Variants in RAB38 observed in about 807,000 individuals in gnomAD.
RAB38 encodes the protein RAB38, member RAS oncogene family, also known as ras-related protein Rab-38.
A neutral mutation model predicts 18.4 loss-of-function variants in RAB38; 15 were observed. The observed-to-expected ratio is 0.82, with a 90% CI of 0.55 to 1.26. The LOEUF (loss-of-function observed/expected upper bound fraction) is 1.26. Ranked by LOEUF, RAB38 falls within the 50% of genes most tolerant of loss-of-function variation. The pLI, the probability that RAB38 is intolerant of heterozygous loss-of-function variation, is 0.00. For missense variants in RAB38, 294 were observed against 267.4 expected, an observed-to-expected ratio of 1.10 and a Z score of -0.69; for synonymous variants, 101 against 104.4, an observed-to-expected ratio of 0.97 and a Z score of 0.20.
the RAB38 span, among the ~76,000 whole-genome samples, chr11:87,838,859 A>G: frequency 6.6e-6 from 1 of 152,220 alleles, no homozygotes; most frequent in Admixed American, 6.5e-5. Context: ...TGTAAAACTC[A>G]TTACTGTCAT....
the RAB38 span, among the ~76,000 whole-genome samples, chr11:87,858,310 A>C: frequency 6.6e-6 from 1 of 151,914 alleles, no homozygotes; most frequent in East Asian, 1.9e-4. Context: ...GAACCTTTGG[A>C]CTCACGTTGT....
At chr11:88,152,417 A>ATG (rs1466103349) in intron 1 of RAB38, among the ~76,000 whole-genome samples, 6 of 152,014 alleles carry the variant, frequency 3.9e-5, no homozygotes, top group Non-Finnish European at 7.4e-5. Context: ...AAAGGAAAAT[A>ATG]TGTGTGTGTG....
chr11:88,111,588 A>C (rs183403655), downstream of RAB38, among the ~76,000 whole-genome samples: 59 of 152,286 alleles, frequency 3.9e-4, no homozygotes, highest in African/African-American at 1.3e-3. Flanking sequence ...CTATACTCTT[A>C]TTTCCATCTT....
chr11:88,049,092 C>A, the RAB38 span, among the ~76,000 whole-genome samples: 4 of 152,152 alleles, frequency 2.6e-5, no homozygotes, highest in Admixed American at 2.6e-4. Context: ...GGTTCCCACG[C>A]CGCCCCTAAT....
chr11:88,166,206 A>G (rs554495735), intron 1 of RAB38: 2 of 152,178 alleles, frequency 1.3e-5, no homozygotes, highest in South Asian at 4.1e-4. Flanking sequence ...TCATGGAGGG[A>G]GGGAGAAAAT....
At position 88,158,619 on chromosome 11, in the gene RAB38, AAATC is replaced by A. The variant is rs1193385577; in HGVS notation, c.203-8668_203-8665del. 3.3e-5 allele frequency among the ~76,000 whole-genome samples: 5 copies of A among 152,292 alleles called. No homozygotes were observed. In the East Asian group the frequency reaches 9.6e-4, roughly 29 times the overall value. ...GATGCAAGGTTGCTTCAACATATAT[AAATC>A]AATAAATGTGATTCACTACATAAAC... On this transcript the variant is annotated intron_variant, in intron 1 of 2. Coordinates refer to ENST00000243662, the MANE Select transcript of RAB38 (RefSeq NM_022337.3).
chr11:87,929,935 A>G, the RAB38 span, among the ~76,000 whole-genome samples: 50 of 152,060 alleles, frequency 3.3e-4, no homozygotes, highest in Middle Eastern at 3.4e-3. Context: ...TGGTGTATAT[A>G]TGCCACATTT....
chr11:88,024,538 T>C, the RAB38 span, among the ~76,000 whole-genome samples: 2,455 of 152,264 alleles, frequency 0.016, 72 homozygotes, highest in African/African-American at 0.056. Flanking sequence ...GCTGGGTATA[T>C]ACCCAAAAGG....
At chr11:88,027,328 G>A in the RAB38 span, among the ~76,000 whole-genome samples, 1 of 152,146 alleles carries the variant, frequency 6.6e-6, no homozygotes, top group East Asian at 1.9e-4. Context: ...ATTTCCATCT[G>A]AGGTACTGGG....
At chr11:88,131,183 A>G (rs898589444) in intron 2 of RAB38, among the ~76,000 whole-genome samples, 1 of 152,222 alleles carries the variant, frequency 6.6e-6, no homozygotes, top group African/African-American at 2.4e-5. Context: ...TCAGTTATTA[A>G]AAATTATATT....
chr11:88,122,060 T>C (rs1353326508), intron 2 of RAB38, among the ~76,000 whole-genome samples: 1 of 151,536 alleles, frequency 6.6e-6, no homozygotes, highest in Admixed American at 6.6e-5. Flanking sequence ...TGTCTGTAAA[T>C]GTGCATTTCT....
the RAB38 span, among the ~76,000 whole-genome samples, chr11:87,814,126 A>C: frequency 6.6e-6 from 1 of 152,144 alleles, no homozygotes; most frequent in Non-Finnish European, 1.5e-5. Flanking sequence ...CAACACCCCC[A>C]AGTGTTATGG....
chr11:87,956,900 A>G, the RAB38 span, among the ~76,000 whole-genome samples: 1 of 151,768 alleles, frequency 6.6e-6, no homozygotes, highest in Non-Finnish European at 1.5e-5. Context: ...ATTATCATGA[A>G]GTTTCACCCT....
the RAB38 span, among the ~76,000 whole-genome samples, chr11:88,099,187 A>C: frequency 6.6e-6 from 1 of 151,912 alleles, no homozygotes. Context: ...TAGAATGAGG[A>C]ATTTATTTAT....
chr11:88,031,307 GA>G, the RAB38 span, among the ~76,000 whole-genome samples: 3 of 150,172 alleles, frequency 2.0e-5, no homozygotes, highest in African/African-American at 4.9e-5. Flanking sequence ...CATTCCCTTT[GA>G]AAACTGGCAC....
In RAB38 at chr11:88,133,534, C is replaced by T. The variant is rs534639238; in HGVS notation, c.483+16141G>A. Reference sequence around the variant, plus strand: ...GTCTGGTCAAAGCTTACTCCTGTTACACCCTAGACACCTCTGACCCATGCT... The same window carrying T: ...GTCTGGTCAAAGCTTACTCCTGTTATACCCTAGACACCTCTGACCCATGCT... On this transcript the variant is annotated intron_variant, in intron 2 of 2. Transcript: ENST00000243662. Among the ~76,000 whole-genome samples the T allele has an allele frequency of 4.6e-5, 7 of 152,268 alleles. No individual in the cohort carries two copies. The East Asian group carries it at 1.2e-3, about 25-fold the overall frequency.
At chr11:88,079,034 A>C in the RAB38 span, among the ~76,000 whole-genome samples, 1 of 151,856 alleles carries the variant, frequency 6.6e-6, no homozygotes, top group Admixed American at 6.6e-5. Flanking sequence ...AAACTTAGAA[A>C]GTAGGAAAAA....
At chr11:88,056,832 A>AATAAATAC in the RAB38 span, among the ~76,000 whole-genome samples, 232 of 45,540 alleles carry the variant, frequency 5.1e-3, no homozygotes, top group East Asian at 9.5e-3. Context: ...TAAATAAATA[A>AATAAATAC]ATACATACAT....
the RAB38 span, among the ~76,000 whole-genome samples, chr11:87,954,209 T>TTGATTGTCCTTCTTG: frequency 6.6e-6 from 1 of 152,118 alleles, no homozygotes; most frequent in Non-Finnish European, 1.5e-5. Context: ...TCCCCTTCCT[T>TTGATTGTCCTTCTTG]TGATTGTCCT....
Sources: allele counts gnomAD v4.1 joint callset (sites outside exome capture counted in the v4.1 genomes callset), GRCh38; gene constraint gnomAD v4.1.1; transcripts MANE v1.5; gene names NCBI Gene and HGNC (gene_info 2026-07-23, HGNC 2026-07-21).